Variants in PTPRO observed in about 807,000 individuals in gnomAD.
PTPRO encodes protein tyrosine phosphatase receptor type O.
In PTPRO, 62 loss-of-function variants were observed where a neutral mutation model predicts 145.2. The ratio of observed to expected loss-of-function variants is 0.43; its 90% CI spans 0.35 to 0.53. The LOEUF (loss-of-function observed/expected upper bound fraction) is 0.53. Ranked by LOEUF, PTPRO falls within the 20% of genes least tolerant of loss-of-function variation. The pLI, the probability that PTPRO is intolerant of heterozygous loss-of-function variation, is 0.01. For synonymous variants in PTPRO, 565 were observed against 514.7 expected (o/e 1.10, Z -1.32); for missense variants, 1,345 against 1,482.7 (o/e 0.91, Z 1.53).
intron 2 of PTPRO, among the ~76,000 whole-genome samples, chr12:15,486,110 C>G (rs917652040): frequency 6.6e-6 from 1 of 152,094 alleles, no homozygotes; most frequent in African/African-American, 2.4e-5. Flanking sequence ...TCTATTTGTT[C>G]TAATAATGAC....
At chr12:15,461,428 C>A (rs114258842) in intron 1 of PTPRO, among the ~76,000 whole-genome samples, 1 of 152,104 alleles carries the variant, frequency 6.6e-6, no homozygotes, top group African/African-American at 2.4e-5. Flanking sequence ...CCAAGGGCTG[C>A]GTCACAGGCC....
chr12:15,413,618 C>A (rs1203397240), intron 1 of PTPRO, among the ~76,000 whole-genome samples: 1 of 152,038 alleles, frequency 6.6e-6, no homozygotes, highest in East Asian at 1.9e-4. Flanking sequence ...AGCTCAAGAC[C>A]AGCCTAGCAA....
At chr12:15,558,082 GCACCAC>G (rs1342405422) in intron 16 of PTPRO, among the ~76,000 whole-genome samples, 1 of 151,748 alleles carries the variant, frequency 6.6e-6, no homozygotes, top group Non-Finnish European at 1.5e-5. Flanking sequence ...CTACAGGCGC[GCACCAC>G]CAAATCTGGC....
chr12:15,343,732 G>C (rs1406039079), intron 1 of PTPRO, among the ~76,000 whole-genome samples: 6 of 152,204 alleles, frequency 3.9e-5, no homozygotes, highest in African/African-American at 1.2e-4. Context: ...CTGGAGTCTC[G>C]CTCTGTCGCC....
chr12:15,531,870 G>A (rs1408617794), intron 12 of PTPRO, among the ~76,000 whole-genome samples: 2 of 152,198 alleles, frequency 1.3e-5, no homozygotes, highest in Admixed American at 1.3e-4. Context: ...GCTAATTTTT[G>A]TGTCTGAATT....
At chr12:15,432,696 T>C (rs1411236947) in intron 1 of PTPRO, among the ~76,000 whole-genome samples, 1 of 152,266 alleles carries the variant, frequency 6.6e-6, no homozygotes, top group Non-Finnish European at 1.5e-5. Context: ...CATAGCCTTC[T>C]GACTGGTGTG....
At chr12:15,564,324 C>T (rs556095845) in intron 17 of PTPRO, among the ~76,000 whole-genome samples, 1 of 152,192 alleles carries the variant, frequency 6.6e-6, no homozygotes, top group Non-Finnish European at 1.5e-5. Context: ...TCAATCAGAA[C>T]ATCACAAGCC....
At chr12:15,510,813 A>T (rs867863642) in intron 7 of PTPRO, among the ~76,000 whole-genome samples, 5 of 152,096 alleles carry the variant, frequency 3.3e-5, no homozygotes, top group Admixed American at 3.3e-4. Context: ...TAAAGTGGAA[A>T]TAAGACCATC....
intron 12 of PTPRO, among the ~76,000 whole-genome samples, chr12:15,527,377 C>G (rs1324195652): frequency 6.6e-6 from 1 of 152,154 alleles, no homozygotes; most frequent in Non-Finnish European, 1.5e-5. Flanking sequence ...ATCTTGGGCT[C>G]CCTGGCAGGA....
At chr12:15,372,937 C>G (rs1360617845) in intron 1 of PTPRO, among the ~76,000 whole-genome samples, 1 of 152,084 alleles carries the variant, frequency 6.6e-6, no homozygotes, top group African/African-American at 2.4e-5. Context: ...GGCAGGTGGA[C>G]CATCTATTTT....
intron 12 of PTPRO, among the ~76,000 whole-genome samples, chr12:15,542,051 G>A (rs1027821808): frequency 1.6e-4 from 25 of 152,046 alleles, no homozygotes; most frequent in African/African-American, 6.0e-4. Flanking sequence ...TAAGGGTTAG[G>A]GTTTCAGCAT....
At chr12:15,577,513 A>G (rs537832926) in intron 19 of PTPRO, among the ~76,000 whole-genome samples, 1 of 152,322 alleles carries the variant, frequency 6.6e-6, no homozygotes, top group Admixed American at 6.5e-5. Context: ...CAACAGTGTT[A>G]AAAGACCCTC....
At chr12:15,410,115 G>A (rs1483524733) in intron 1 of PTPRO, among the ~76,000 whole-genome samples, 4 of 151,986 alleles carry the variant, frequency 2.6e-5, no homozygotes, top group Non-Finnish European at 4.4e-5. Context: ...CAGAAAGCAG[G>A]AATAAAAAGT....
In PTPRO at chr12:15,526,192, C is replaced by G. The variant is rs1197087890; in HGVS notation, c.2094C>G (p.Ile698Met). 2.5e-6 allele frequency: 4 copies of G among 1,613,918 alleles called. No individual in the cohort carries two copies. The Admixed American group carries it at 6.7e-5, about 27-fold the overall frequency. The part of the protein sequence containing the change: ...TAILSLPPGD[I>M]YNLSVTACTE... ...TTCTCAGCTTGCCTCCAGGCGACATCTATAACCTCTCAGTAACTGCTTGTA... is the reference window on the plus strand; with the variant it reads ...TTCTCAGCTTGCCTCCAGGCGACATGTATAACCTCTCAGTAACTGCTTGTA... Residue 698 changes from isoleucine (I) to methionine (M), a missense_variant, in exon 12 of 27, where the codon ATC becomes ATG. Ile to Met is a conservative substitution (Grantham distance 10). Transcript: ENST00000281171.
chr12:15,573,955 A>G (rs1429029751), intron 19 of PTPRO, among the ~76,000 whole-genome samples: 1 of 152,218 alleles, frequency 6.6e-6, no homozygotes, highest in Non-Finnish European at 1.5e-5. Context: ...AGAGGGTATG[A>G]GATGGCCAAA....
At chr12:15,435,000 C>T (rs1188303989) in intron 1 of PTPRO, among the ~76,000 whole-genome samples, 2 of 152,158 alleles carry the variant, frequency 1.3e-5, no homozygotes, top group Admixed American at 1.3e-4. Flanking sequence ...GTCCTAACTC[C>T]TACCCTTCTC....
At chr12:15,558,172 G>T (rs1190889766) in intron 16 of PTPRO, among the ~76,000 whole-genome samples, 1 of 152,046 alleles carries the variant, frequency 6.6e-6, no homozygotes, top group Non-Finnish European at 1.5e-5. Context: ...GGGCTGAAGT[G>T]ATCCTCCCAC....
chr12:15,532,584 A>G (rs1942984494), intron 12 of PTPRO, among the ~76,000 whole-genome samples: 1 of 152,186 alleles, frequency 6.6e-6, no homozygotes, highest in African/African-American at 2.4e-5. Flanking sequence ...AGGGGGCACT[A>G]GTGCCCCAAT....
In PTPRO at chr12:15,442,469, C is replaced by T. The variant is rs139907637; in HGVS notation, c.76-41505C>T. ...GATGCCCACTCTCACCACTCCTATT[C>T]AACATAGTACTGGAATTGGTAGCCA... On this transcript the variant is annotated intron_variant, in intron 1 of 26. Coordinates refer to ENST00000281171, the MANE Select transcript of PTPRO (RefSeq NM_030667.3). Among the ~76,000 whole-genome samples, 82 of 152,250 alleles carry T rather than the reference C, an allele frequency of 5.4e-4. 1 individual carries two copies. In the East Asian group the frequency reaches 9.8e-3, roughly 18 times the overall value.
Sources: gnomAD v4.1 joint callset for allele counts (sites outside exome capture counted in the v4.1 genomes callset) on GRCh38, gnomAD v4.1.1 for gene constraint, MANE v1.5 for transcripts, NCBI Gene and HGNC (gene_info 2026-07-23, HGNC 2026-07-21) for gene names.